The following SLC35B4 variants were observed in gnomAD, a reference collection of about 807,000 sequenced individuals.
SLC35B4 encodes nucleotide sugar transporter SLC35B4.
Under a neutral mutation model 39.5 loss-of-function variants are expected in SLC35B4, and 28 were observed. The observed-to-expected ratio is 0.71, with a 90% CI of 0.53 to 0.97. The LOEUF (loss-of-function observed/expected upper bound fraction) is 0.97. Ranked by LOEUF, SLC35B4 falls within the 50% of genes least tolerant of loss-of-function variation. The probability of loss-of-function intolerance (pLI) is 0.00; values close to 1 mark genes in which losing one functional copy is unlikely to be tolerated. For missense variants in SLC35B4, 334 were observed against 414.3 expected, an observed-to-expected ratio of 0.81 and a Z score of 1.68; for synonymous variants, 145 against 150.4, an observed-to-expected ratio of 0.96 and a Z score of 0.26.
intron 2 of SLC35B4, among the ~76,000 whole-genome samples, chr7:134,308,466 A>T (rs1448359668): frequency 6.6e-6 from 1 of 152,242 alleles, no homozygotes; most frequent in Non-Finnish European, 1.5e-5. Flanking sequence ...TTATGCAGAT[A>T]CTAAAGCAAA....
chr7:134,306,657 T>G lies in SLC35B4; in HGVS notation c.294+15A>C. The stretch of plus-strand genomic sequence containing the variant: ...TTTTCAGAGGAACATATACACGTGA[T>G]CCGGCAGCACTTACGGATCTAAATA... On this transcript the variant is annotated intron_variant, in intron 3 of 9. Coordinates refer to ENST00000378509, the MANE Select transcript of SLC35B4 (RefSeq NM_032826.5). 1 of 1,605,256 alleles carries G rather than the reference T, an allele frequency of 6.2e-7. No homozygotes were observed. Among genetic ancestry groups the G allele is most frequent in the Non-Finnish European group, 8.5e-7 (1 of 1,172,632 alleles).
chr7:134,314,887 T>C (rs1803934971), intron 1 of SLC35B4, among the ~76,000 whole-genome samples: 5 of 144,278 alleles, frequency 3.5e-5, no homozygotes, highest in Non-Finnish European at 7.4e-5. Context: ...CCTTTAAAAG[T>C]GTATCAGATT....
At chr7:134,313,040 C>A (rs1803882372) in intron 1 of SLC35B4, among the ~76,000 whole-genome samples, 1 of 152,184 alleles carries the variant, frequency 6.6e-6, no homozygotes, top group South Asian at 2.1e-4. Flanking sequence ...ATTTAAAAAT[C>A]TCCCTAATGT....
At chr7:134,296,123 C>G (rs1803459806) in intron 9 of SLC35B4, among the ~76,000 whole-genome samples, 1 of 152,174 alleles carries the variant, frequency 6.6e-6, no homozygotes. Flanking sequence ...GCCACCACAC[C>G]CGCCACTATC....
In SLC35B4 at chr7:134,290,606, C is replaced by T. The variant is rs1361881387; in HGVS notation, c.*4227G>A. On this transcript the variant is annotated 3_prime_UTR_variant, in exon 10 of 10. Transcript: ENST00000378509. ...CCATTCCAGCTTGGTACACACTGAA[C>T]ACATTTGAGGCTTATGACTGGTTCT... 1 of 152,176 alleles carries T rather than the reference C, an allele frequency of 6.6e-6. No individual in the cohort carries two copies. The highest frequency in any genetic ancestry group is 1.5e-5 in the Non-Finnish European group (1 of 68,036). 9.4% of individuals were successfully genotyped at this position (152,176 alleles called of 1,614,324 possible).
rs1435685331 is a variant in SLC35B4, at chr7:134,292,336, A to G, written c.*2497T>C. 1 of 152,488 alleles carries G rather than the reference A, an allele frequency of 6.6e-6. No individual in the cohort carries two copies. Among genetic ancestry groups the G allele is most frequent in the Non-Finnish European group, 1.5e-5 (1 of 68,200 alleles). The allele number at this position is 152,488 out of a possible 1,614,324, so 9.4% of individuals were successfully genotyped here. On this transcript the variant is annotated 3_prime_UTR_variant, in exon 10 of 10. Coordinates refer to ENST00000378509, the MANE Select transcript of SLC35B4 (RefSeq NM_032826.5). ...TTTCCTTATATTCAGCTACTAGAGA[A>G]AAAACAGTTCCCAGGGAATTTGGGG...
chr7:134,310,633 C>T (rs1803811724), intron 1 of SLC35B4, among the ~76,000 whole-genome samples: 1 of 151,848 alleles, frequency 6.6e-6, no homozygotes, highest in African/African-American at 2.4e-5. Flanking sequence ...CAAGCTCCGC[C>T]TCCCGGGTTC....
rs909727128 is a variant in SLC35B4, at chr7:134,294,794, C to G, written c.*39G>C. 1.9e-6 allele frequency: 3 copies of G among 1,607,400 alleles called. No individual in the cohort carries two copies. The highest frequency in any genetic ancestry group is 3.3e-5 in the Admixed American group (2 of 59,842). ...GTGGTCAGACCTTCACAGGGTCCCA[C>G]CCTCACGACGACACTGGTCTACGTA... On this transcript the variant is annotated 3_prime_UTR_variant, in exon 10 of 10. Coordinates refer to ENST00000378509, the MANE Select transcript of SLC35B4 (RefSeq NM_032826.5).
chr7:134,317,444 G>C (rs1804013551), upstream of SLC35B4, among the ~76,000 whole-genome samples: 1 of 152,172 alleles, frequency 6.6e-6, no homozygotes, highest in African/African-American at 2.4e-5. Context: ...TGATAGCCAA[G>C]TCCCACCCCC....
At position 134,291,777 on chromosome 7, in the gene SLC35B4, A is replaced by G. The variant is rs1803334778; in HGVS notation, c.*3056T>C. 6.6e-6 allele frequency: 1 copy of G among 152,242 alleles called. No homozygotes were observed. Among genetic ancestry groups the G allele is most frequent in the Admixed American group, 6.5e-5 (1 of 15,286 alleles). 9.4% of individuals were successfully genotyped at this position (152,242 alleles called of 1,614,324 possible). On this transcript the variant is annotated 3_prime_UTR_variant, in exon 10 of 10. Transcript: ENST00000378509. ...AGTACATTACAGTTGTTTTAGTTGG[A>G]CGAAAAAGAAAACAAAGAATCAAAA...
At position 134,296,559 on chromosome 7, in the gene SLC35B4, G is replaced by A. The variant is rs1307231299; in HGVS notation, c.674-93C>T. 11 of 831,600 alleles carry A rather than the reference G, an allele frequency of 1.3e-5. No individual in the cohort carries two copies. The East Asian group carries it at 1.9e-4, about 14-fold the overall frequency. The allele number at this position is 831,600 out of a possible 1,614,324, so 51.5% of individuals were successfully genotyped here. On this transcript the variant is annotated intron_variant, in intron 8 of 9. Transcript: ENST00000378509. ...GGGTAATACAGACTGAACATAATAG[G>A]AACAGCAACATTGTCTTCCTTGCAA...
At position 134,291,648 on chromosome 7, in the gene SLC35B4, A is replaced by T. The variant is rs953167783; in HGVS notation, c.*3185T>A. On this transcript the variant is annotated 3_prime_UTR_variant, in exon 10 of 10. Coordinates refer to ENST00000378509, the MANE Select transcript of SLC35B4 (RefSeq NM_032826.5). ...TCCGTAGCACTGACCAAATCAAAAT[A>T]CTGCAGCGTTTCACTGTGGTTAACA... is the stretch of plus-strand genomic sequence containing the variant. 1.3e-5 allele frequency: 2 copies of T among 152,236 alleles called. No individual in the cohort carries two copies. Among genetic ancestry groups the T allele is most frequent in the African/African-American group, 4.8e-5 (2 of 41,456 alleles). 9.4% of individuals were successfully genotyped at this position (152,236 alleles called of 1,614,324 possible).
intron 1 of SLC35B4, among the ~76,000 whole-genome samples, chr7:134,314,697 A>C (rs1299703505): frequency 6.6e-6 from 1 of 151,932 alleles, no homozygotes; most frequent in Non-Finnish European, 1.5e-5. Flanking sequence ...CACCAGGCCC[A>C]GCTAATTTTT....
At chr7:134,314,270 C>T (rs532533767) in intron 1 of SLC35B4, among the ~76,000 whole-genome samples, 1 of 152,152 alleles carries the variant, frequency 6.6e-6, no homozygotes, top group Non-Finnish European at 1.5e-5. Flanking sequence ...TTCACATGCG[C>T]ATCTCACTTC....
intron 4 of SLC35B4, among the ~76,000 whole-genome samples, chr7:134,302,741 T>C (rs570310465): frequency 1.3e-5 from 2 of 152,164 alleles, no homozygotes; most frequent in Non-Finnish European, 2.9e-5. Context: ...TCTCAGATTT[T>C]TGGTGATCAA....
intron 3 of SLC35B4, among the ~76,000 whole-genome samples, chr7:134,305,835 TA>T (rs1803697272): frequency 6.6e-6 from 1 of 152,060 alleles, no homozygotes; most frequent in South Asian, 2.1e-4. Flanking sequence ...CACGCCCAGC[TA>T]ATTTTGTATT....
intron 1 of SLC35B4, among the ~76,000 whole-genome samples, chr7:134,314,431 C>G (rs1028952705): frequency 6.6e-6 from 1 of 152,232 alleles, no homozygotes; most frequent in Non-Finnish European, 1.5e-5. Flanking sequence ...TCATGTCATA[C>G]AGCCTTTGGC....
intron 1 of SLC35B4, among the ~76,000 whole-genome samples, chr7:134,316,115 C>T (rs948185691): frequency 6.6e-6 from 1 of 152,196 alleles, no homozygotes; most frequent in East Asian, 1.9e-4. Flanking sequence ...TACTCATAAC[C>T]ATTTCCAAGG....
intron 2 of SLC35B4, 119 bp from the exon 3 acceptor site, chr7:134,306,893 T>C (rs1393379451): frequency 2.1e-5 from 15 of 699,338 alleles, no homozygotes; most frequent in Non-Finnish European, 2.9e-5. Context: ...CGTTGCAAGA[T>C]TGCATCACTA....
Sources: gnomAD v4.1 joint callset for allele counts (sites outside exome capture counted in the v4.1 genomes callset) on GRCh38, gnomAD v4.1.1 for gene constraint, MANE v1.5 for transcripts, NCBI Gene and HGNC (gene_info 2026-07-23, HGNC 2026-07-21) for gene names.